The following ZNF420 variants were observed in gnomAD, a reference collection of about 807,000 sequenced individuals.
ZNF420 encodes the protein ATM and p53-associated KZNF protein.
In ZNF420, 31 loss-of-function variants were observed where a neutral mutation model predicts 44.7. The ratio of observed to expected loss-of-function variants is 0.69; its 90% confidence interval spans 0.52 to 0.94. ZNF420 has a LOEUF of 0.94. ZNF420 is among the 40% of genes least tolerant of loss of function. The pLI is 0.00. For missense variants in ZNF420, 681 were observed against 827.9 expected (o/e 0.82, Z 2.18); for synonymous variants, 245 against 267.4 (o/e 0.92, Z 0.82).
intron 1 of ZNF420, among the ~76,000 whole-genome samples, chr19:37,034,113 A>G (rs771307087): frequency 2.0e-5 from 3 of 151,142 alleles, no homozygotes; most frequent in Non-Finnish European, 4.4e-5. Context: ...CACCATGACT[A>G]TACCGTTGCA....
chr19:37,112,576 T>C (rs1970439194), intron 4 of ZNF420, among the ~76,000 whole-genome samples: 1 of 152,202 alleles, frequency 6.6e-6, no homozygotes, highest in South Asian at 2.1e-4. Context: ...ACTGTTTTCC[T>C]TGAATAATGG....
chr19:37,114,396 T>C (rs556465330), intron 4 of ZNF420, among the ~76,000 whole-genome samples: 56 of 150,766 alleles, frequency 3.7e-4, no homozygotes, highest in African/African-American at 1.3e-3. Context: ...GTGGATACTG[T>C]ATTTGGATTG....
upstream of ZNF420, among the ~76,000 whole-genome samples, chr19:37,074,139 A>C (rs1387792272): frequency 6.6e-6 from 1 of 152,200 alleles, no homozygotes; most frequent in African/African-American, 2.4e-5. Context: ...GTAAAAGGCT[A>C]TTTGGGAAAT....
chr19:37,115,477 G>T (rs1327114546), intron 4 of ZNF420, among the ~76,000 whole-genome samples: 3 of 151,870 alleles, frequency 2.0e-5, no homozygotes, highest in Admixed American at 6.6e-5. Flanking sequence ...AGAGGTCTTT[G>T]TGTCATAAAT....
At chr19:37,011,435 G>C (rs1384355143) in intron 1 of ZNF420, among the ~76,000 whole-genome samples, 2 of 152,110 alleles carry the variant, frequency 1.3e-5, no homozygotes, top group African/African-American at 4.8e-5. Flanking sequence ...TGAGCTCCTG[G>C]GTGGACTGCC....
intron 4 of ZNF420, chr19:37,091,615 T>A (rs1969151876): frequency 6.6e-6 from 1 of 152,190 alleles, no homozygotes; most frequent in South Asian, 2.1e-4. Context: ...ATGTGCTTGG[T>A]AGTTGAATAT....
chr19:37,089,759 A>G (rs1020195104), intron 3 of ZNF420, among the ~76,000 whole-genome samples: 4 of 152,240 alleles, frequency 2.6e-5, no homozygotes, highest in Admixed American at 6.5e-5. Flanking sequence ...GAAGATGATC[A>G]TTCACCAGCA....
rs1208514082 is a variant in ZNF420 at position 37,129,870 on chromosome 19, A to AT, written c.*818dup. ...GATCCAAAGTCTAATAAATCTAGGAATTTTTTAAAAACTTGAATGTATTGC... is the reference window on the plus strand; with the variant it reads ...GATCCAAAGTCTAATAAATCTAGGAATTTTTTTAAAAACTTGAATGTATTGC... On this transcript the variant is annotated 3_prime_UTR_variant, in exon 5 of 5. Transcript: ENST00000337995. The AT allele has an allele frequency of 2.1e-6, 2 of 959,752 alleles. No individual in the cohort carries two copies. The highest frequency in any genetic ancestry group is 2.9e-6 in the Non-Finnish European group (2 of 693,308). The allele number at this position is 959,752 out of a possible 1,614,324, so 59.5% of individuals were successfully genotyped here. A position where few individuals can be genotyped will look rare whatever the true frequency, so the allele number is the denominator to read the frequency against.
At chr19:37,118,647 A>C (rs1272907752) in intron 4 of ZNF420, among the ~76,000 whole-genome samples, 1 of 152,036 alleles carries the variant, frequency 6.6e-6, no homozygotes, top group Non-Finnish European at 1.5e-5. Context: ...AATGGGCTAA[A>C]TGCTCCAATT....
At position 37,078,450 on chromosome 19, in the gene ZNF420, C is replaced by T. The variant is rs1455472594; in HGVS notation, c.-245C>T. On this transcript the variant is annotated 5_prime_UTR_variant, in exon 1 of 5. Coordinates refer to ENST00000337995, the MANE Select transcript of ZNF420 (RefSeq NM_144689.5). ...TAGTTTGCGAGATTTGGAGGCCTCG[C>T]GTGGGGAGAGGGCCGCGTCTGTGGA... 2 of 152,260 alleles carry T rather than the reference C, an allele frequency of 1.3e-5. No homozygotes were observed. Among genetic ancestry groups the T allele is most frequent in the African/African-American group, 2.4e-5 (1 of 41,460 alleles). 9.4% of individuals were successfully genotyped at this position (152,260 alleles called of 1,614,324 possible). A position where few individuals can be genotyped will look rare whatever the true frequency, so the allele number is the denominator to read the frequency against.
intron 1 of ZNF420, among the ~76,000 whole-genome samples, chr19:37,021,244 C>A (rs1302062199): frequency 6.6e-6 from 1 of 152,128 alleles, no homozygotes; most frequent in Non-Finnish European, 1.5e-5. Flanking sequence ...AATGAGTGTG[C>A]TAATCTTGCA....
chr19:37,108,265 T>G (rs140390185), intron 4 of ZNF420: 1 of 152,354 alleles, frequency 6.6e-6, no homozygotes, highest in East Asian at 1.9e-4. Context: ...CTTTTGGATC[T>G]ATTTAAAATG....
In ZNF420 at chr19:37,046,262, T is replaced by G. The variant is rs2091212533; in HGVS notation, c.-124-34083T>G. On this transcript the variant is annotated intron_variant, in intron 1 of 4. Coordinates refer to the ZNF420 transcript ENST00000587029. The stretch of plus-strand genomic sequence containing the variant: ...TTAGAACAACCACTTTGGAAAACAA[T>G]AGGATTATCTTATAAAGTTGAGCAT... Among the ~76,000 whole-genome samples the G allele has an allele frequency of 2.0e-5, 3 of 152,128 alleles. 1 individual carries two copies. Among genetic ancestry groups the G allele is most frequent in the Admixed American group, 2.0e-4 (3 of 15,270 alleles).
At chr19:37,022,824 G>A (rs1038213852) in intron 1 of ZNF420, among the ~76,000 whole-genome samples, 5 of 152,096 alleles carry the variant, frequency 3.3e-5, no homozygotes, top group Admixed American at 1.3e-4. Context: ...GGAGTTGAAC[G>A]CTGATGACGA....
intron 1 of ZNF420, among the ~76,000 whole-genome samples, chr19:37,021,956 A>G (rs866348696): frequency 6.7e-6 from 1 of 149,582 alleles, no homozygotes; most frequent in African/African-American, 2.4e-5. Flanking sequence ...AAAAAAAAAA[A>G]AAAAAAAGAA....
chr19:37,016,540 C>T (rs932843785), intron 1 of ZNF420, among the ~76,000 whole-genome samples: 40 of 152,132 alleles, frequency 2.6e-4, no homozygotes, highest in African/African-American at 8.7e-4. Flanking sequence ...GGAGCATGCC[C>T]GGACATCCTT....
At chr19:37,064,042 A>G (rs2051354578) in intron 1 of ZNF420, among the ~76,000 whole-genome samples, 1 of 152,074 alleles carries the variant, frequency 6.6e-6, no homozygotes, top group Admixed American at 6.5e-5. Context: ...TTTCCTCATG[A>G]TAAGGTTCCG....
intron 1 of ZNF420, among the ~76,000 whole-genome samples, chr19:37,042,022 C>T (rs1406273980): frequency 2.0e-5 from 3 of 152,172 alleles, no homozygotes; most frequent in Non-Finnish European, 4.4e-5. Context: ...TTAATGGAGA[C>T]GAAGTCTCGC....
rs944987067 is a variant in ZNF420 at position 37,129,357 on chromosome 19, T to C, written c.*299T>C. 1 of 329,748 alleles carries C rather than the reference T, an allele frequency of 3.0e-6. No homozygotes were observed. The highest frequency in any genetic ancestry group is 5.6e-6 in the Non-Finnish European group (1 of 179,696). The allele number at this position is 329,748 out of a possible 1,614,324, so 20.4% of individuals were successfully genotyped here. The stretch of plus-strand genomic sequence containing the variant: ...TCTACTAGTTGATCTTTTTGTTATA[T>C]GTATCATGATACTTAACCTCTACCT... On this transcript the variant is annotated 3_prime_UTR_variant, in exon 5 of 5. Coordinates refer to ENST00000337995, the MANE Select transcript of ZNF420 (RefSeq NM_144689.5).
Sources: allele counts gnomAD v4.1 joint callset (sites outside exome capture counted in the v4.1 genomes callset), GRCh38; gene constraint gnomAD v4.1.1; transcripts MANE v1.5; gene names NCBI Gene and HGNC (gene_info 2026-07-23, HGNC 2026-07-21).